The following UST variants were observed in gnomAD, a reference collection of about 807,000 sequenced individuals.
The protein encoded by UST is chondroitin sulfate 2-O-sulfotransferase.
In UST, 21 loss-of-function variants were observed where a neutral mutation model predicts 45.6. The observed-to-expected ratio is 0.46, with a 90% CI of 0.33 to 0.66. The LOEUF is 0.66. Ranked by LOEUF, UST falls within the 30% of genes least tolerant of loss-of-function variation. UST has a pLI of 0.02. For synonymous variants in UST, 215 were observed against 200.6 expected, an observed-to-expected ratio of 1.07 and a Z score of -0.61; for missense variants, 463 against 512.4, an observed-to-expected ratio of 0.90 and a Z score of 0.93.
chr6:148,908,642 T>C (rs1438223344), intron 2 of UST, among the ~76,000 whole-genome samples: 1 of 152,250 alleles, frequency 6.6e-6, no homozygotes, highest in Non-Finnish European at 1.5e-5. Context: ...TATATTTTAA[T>C]GATTAATATC....
chr6:148,928,437 G>T lies in UST; in HGVS notation c.292-12842G>T, dbSNP rs185747188. On this transcript the variant is annotated intron_variant, in intron 2 of 7. Transcript: ENST00000367463. The stretch of plus-strand genomic sequence containing the variant: ...AAATCCCAAGAGATGGAAAATATCT[G>T]TATCAATTTATAAAAATATTTTTTG... 2.6e-5 allele frequency among the ~76,000 whole-genome samples: 4 copies of T among 152,278 alleles called. No homozygotes were observed. The East Asian group carries it at 7.7e-4, about 29-fold the overall frequency.
chr6:149,058,477 G>A (rs1180178621), intron 7 of UST, among the ~76,000 whole-genome samples: 1 of 151,680 alleles, frequency 6.6e-6, no homozygotes, highest in Non-Finnish European at 1.5e-5. Context: ...GAGGAGTAGA[G>A]AAAAAGAATC....
At chr6:148,836,733 A>G (rs1235141084) in intron 1 of UST, among the ~76,000 whole-genome samples, 2 of 152,336 alleles carry the variant, frequency 1.3e-5, no homozygotes, top group Non-Finnish European at 2.9e-5. Context: ...CTGCAAAAAG[A>G]TGGACATTGG....
chr6:149,051,777 T>G (rs1055198143), intron 7 of UST, among the ~76,000 whole-genome samples: 1 of 152,222 alleles, frequency 6.6e-6, no homozygotes, highest in African/African-American at 2.4e-5. Flanking sequence ...CTTTTCTTCC[T>G]TTTTTATTAA....
intron 7 of UST, among the ~76,000 whole-genome samples, chr6:149,068,427 A>C (rs1776772793): frequency 6.6e-6 from 1 of 152,224 alleles, no homozygotes. Flanking sequence ...TGTGTGTACA[A>C]GTGCTTAGCT....
At chr6:149,056,500 C>A (rs1776568752) in intron 7 of UST, among the ~76,000 whole-genome samples, 1 of 152,194 alleles carries the variant, frequency 6.6e-6, no homozygotes, top group African/African-American at 2.4e-5. Context: ...CAATTTCAAA[C>A]TTTCCTTAAG....
chr6:149,006,257 A>C (rs1775694286), intron 5 of UST, among the ~76,000 whole-genome samples: 1 of 151,792 alleles, frequency 6.6e-6, no homozygotes, highest in Non-Finnish European at 1.5e-5. Context: ...CCCCACTGAC[A>C]CGCCCCAGTA....
At chr6:149,028,697 C>A (rs1161726641) in intron 7 of UST, among the ~76,000 whole-genome samples, 1 of 152,116 alleles carries the variant, frequency 6.6e-6, no homozygotes, top group African/African-American at 2.4e-5. Context: ...CAGTGACATG[C>A]TAAGGGGCTG....
At chr6:149,034,035 C>T (rs1489136735) in intron 7 of UST, among the ~76,000 whole-genome samples, 1 of 152,138 alleles carries the variant, frequency 6.6e-6, no homozygotes, top group South Asian at 2.1e-4. Flanking sequence ...TGATCTCATT[C>T]TCTTATTCCA....
At chr6:149,020,121 G>A (rs746838682) in intron 6 of UST, among the ~76,000 whole-genome samples, 2 of 152,174 alleles carry the variant, frequency 1.3e-5, no homozygotes, top group Non-Finnish European at 2.9e-5. Context: ...CTTCTACACC[G>A]GCAACGCATT....
chr6:148,794,893 C>T (rs532796180), intron 1 of UST, among the ~76,000 whole-genome samples: 5 of 152,328 alleles, frequency 3.3e-5, no homozygotes, highest in Admixed American at 6.5e-5. Context: ...CACTCCTTTT[C>T]GTCTCTGAGC....
intron 3 of UST, among the ~76,000 whole-genome samples, chr6:148,953,494 G>A (rs541622072): frequency 7.2e-5 from 11 of 152,156 alleles, no homozygotes; most frequent in African/African-American, 9.7e-5. Context: ...AAAAAGAGTC[G>A]GATATTGGCC....
rs115978889 is a variant in UST at position 148,748,107 on chromosome 6, G to A, written c.247+430G>A. Among the ~76,000 whole-genome samples, 92 of 152,304 alleles carry A rather than the reference G, an allele frequency of 6.0e-4. No individual in the cohort carries two copies. The highest frequency in any genetic ancestry group is 2.1e-3 in the African/African-American group (87 of 41,548). ...TGACCGCAGTTCAGTCCCGTCCCGCGCCCCGGGGAGTGTGGGTGGGTTTAG... is the reference window on the plus strand; with the variant it reads ...TGACCGCAGTTCAGTCCCGTCCCGCACCCCGGGGAGTGTGGGTGGGTTTAG... On this transcript the variant is annotated intron_variant, in intron 1 of 7. Transcript: ENST00000367463. This position sits in a 1 kb window ranked among gnomAD's most constrained non-coding sequence, Gnocchi z 5.3.
chr6:148,856,877 G>A (rs1778214920), intron 1 of UST, among the ~76,000 whole-genome samples: 1 of 151,794 alleles, frequency 6.6e-6, no homozygotes, highest in Non-Finnish European at 1.5e-5. Flanking sequence ...AGGAAAATCA[G>A]AGATAACATT....
chr6:148,906,967 C>G (rs1779375452), intron 2 of UST, among the ~76,000 whole-genome samples: 1 of 152,120 alleles, frequency 6.6e-6, no homozygotes, highest in Non-Finnish European at 1.5e-5. Flanking sequence ...TGTAAGCCTT[C>G]AAAAGTGTGT....
intron 4 of UST, among the ~76,000 whole-genome samples, chr6:148,962,702 G>A (rs576102093): frequency 6.6e-6 from 1 of 152,300 alleles, no homozygotes; most frequent in Non-Finnish European, 1.5e-5. Flanking sequence ...TCACCCATGA[G>A]CAGTGTGTGT....
At chr6:148,821,661 C>G (rs1777468582) in intron 1 of UST, among the ~76,000 whole-genome samples, 1 of 152,206 alleles carries the variant, frequency 6.6e-6, no homozygotes, top group South Asian at 2.1e-4. Context: ...GTTGATGATT[C>G]TCGTCAGAAT....
intron 1 of UST, among the ~76,000 whole-genome samples, chr6:148,774,757 G>A (rs1381263777): frequency 6.6e-6 from 1 of 152,154 alleles, no homozygotes; most frequent in African/African-American, 2.4e-5. Flanking sequence ...GGTGGCTCAC[G>A]CCTGTAATCC....
At chr6:148,886,420 C>T (rs1261776821) in intron 1 of UST, among the ~76,000 whole-genome samples, 2 of 152,190 alleles carry the variant, frequency 1.3e-5, no homozygotes, top group Non-Finnish European at 2.9e-5. Context: ...GAAACAATAG[C>T]CGTGCACTCT....
Sources: gnomAD v4.1 joint callset for allele counts (sites outside exome capture counted in the v4.1 genomes callset) on GRCh38, gnomAD v4.1.1 for gene constraint, Gnocchi (gnomAD v3.1) non-coding constraint, MANE v1.5 for transcripts, NCBI Gene and HGNC (gene_info 2026-07-23, HGNC 2026-07-21) for gene names.